Variants in ZPBP observed in about 807,000 individuals in gnomAD.
ZPBP encodes the protein zona pellucida-binding protein 1.
In ZPBP, 26 loss-of-function variants were observed where a neutral mutation model predicts 44.8. The observed-to-expected ratio is 0.58, with a 90% CI of 0.43 to 0.81. The LOEUF (loss-of-function observed/expected upper bound fraction) is 0.81, where lower values mean the gene tolerates loss of function less well. ZPBP is among the 30% of genes least tolerant of loss of function. The pLI, the probability that ZPBP is intolerant of heterozygous loss-of-function variation, is 0.00. For synonymous variants in ZPBP, 174 were observed against 153.2 expected (o/e 1.14, Z -1.00); for missense variants, 409 against 434.0 (o/e 0.94, Z 0.51).
intron 3 of ZPBP, among the ~76,000 whole-genome samples, chr7:50,075,131 C>T (rs2366030): frequency 0.84 from 127,222 of 151,896 alleles, 53,308 homozygotes; most frequent in East Asian, 0.92. Context: ...TTAGAAACTA[C>T]ACAAATACAT....
intron 2 of ZPBP, among the ~76,000 whole-genome samples, chr7:49,850,766 A>G (rs1790143668): frequency 6.6e-6 from 1 of 152,186 alleles, no homozygotes; most frequent in Non-Finnish European, 1.5e-5. Context: ...CACCCTGCAT[A>G]ACTCTCAGTT....
chr7:50,069,727 A>G (rs925087344), intron 3 of ZPBP, among the ~76,000 whole-genome samples: 2 of 151,846 alleles, frequency 1.3e-5, no homozygotes, highest in Non-Finnish European at 2.9e-5. Context: ...CTCCCTTGCA[A>G]CGCACTTTCA....
intron 7 of ZPBP, among the ~76,000 whole-genome samples, chr7:49,945,411 T>G (rs1199406916): frequency 6.6e-6 from 1 of 152,128 alleles, no homozygotes; most frequent in African/African-American, 2.4e-5. Context: ...TGATTTTCTG[T>G]CTGGATAATT....
intron 7 of ZPBP, chr7:49,944,150 T>G (rs1795001882): frequency 3.7e-6 from 1 of 272,974 alleles, no homozygotes; most frequent in Admixed American, 4.7e-5. Context: ...ATCCACTTCC[T>G]CTTGAAGTTT....
At chr7:49,941,598 G>A (rs1206210916) in intron 7 of ZPBP, among the ~76,000 whole-genome samples, 1 of 151,970 alleles carries the variant, frequency 6.6e-6, no homozygotes, top group African/African-American at 2.4e-5. Context: ...GTGGAATAAT[G>A]TATACTATAA....
Position 49,996,744 on chromosome 7 carries a change from C to T in ZPBP, c.784-13225G>A, listed in dbSNP as rs149081365. Among the ~76,000 whole-genome samples the T allele has an allele frequency of 5.3e-3, 814 of 152,316 alleles. 9 individuals carry two copies. Among genetic ancestry groups the T allele is most frequent in the Middle Eastern group, 0.021 (6 of 292 alleles). ...TTGACCTGGAACTTTTCTACCTAAA[C>T]AAATCAAGTAGCAATTTAGTAGGTG... On this transcript the variant is annotated intron_variant, in intron 6 of 7. Transcript: ENST00000046087.
chr7:49,867,691 A>G (rs932082010), intron 2 of ZPBP, among the ~76,000 whole-genome samples: 4 of 152,202 alleles, frequency 2.6e-5, no homozygotes, highest in Non-Finnish European at 4.4e-5. Flanking sequence ...TTCTGGACCC[A>G]AGGCTCACCT....
chr7:49,994,410 C>A (rs2128790337), intron 6 of ZPBP, among the ~76,000 whole-genome samples: 1 of 152,308 alleles, frequency 6.6e-6, no homozygotes, highest in South Asian at 2.1e-4. Context: ...GGCATTTGAG[C>A]CACTTCTGCA....
intron 3 of ZPBP, among the ~76,000 whole-genome samples, chr7:50,079,903 TTGC>T (rs1468664282): frequency 6.6e-6 from 1 of 151,630 alleles, no homozygotes; most frequent in Non-Finnish European, 1.5e-5. Context: ...ACAGAACTTG[TTGC>T]AATAAATGCA....
intron 6 of ZPBP, among the ~76,000 whole-genome samples, chr7:49,998,938 A>T (rs1215062849): frequency 6.6e-6 from 1 of 152,112 alleles, no homozygotes; most frequent in East Asian, 1.9e-4. Flanking sequence ...AGCATCTCTA[A>T]TTTGAAAATT....
chr7:49,846,255 G>A (rs1789942497), downstream of ZPBP, among the ~76,000 whole-genome samples: 1 of 152,074 alleles, frequency 6.6e-6, no homozygotes, highest in Non-Finnish European at 1.5e-5. Context: ...CAACCTGCAT[G>A]TCGCCACTTC....
intron 2 of ZPBP, among the ~76,000 whole-genome samples, chr7:49,900,011 A>G (rs192423288): frequency 6.6e-6 from 1 of 152,048 alleles, no homozygotes; most frequent in Admixed American, 6.5e-5. Flanking sequence ...TATCAGTAAT[A>G]GAAAGATACC....
chr7:49,931,040 C>T (rs139903825), intron 1 of ZPBP, among the ~76,000 whole-genome samples: 253 of 152,280 alleles, frequency 1.7e-3, no homozygotes, highest in African/African-American at 4.9e-3. Context: ...AGCTCTGCTG[C>T]GCATGCTCTC....
At chr7:50,001,678 A>G (rs2128794989) in intron 6 of ZPBP, among the ~76,000 whole-genome samples, 2 of 152,260 alleles carry the variant, frequency 1.3e-5, no homozygotes, top group Admixed American at 1.3e-4. Context: ...AGAGCACAAA[A>G]CAGATGAGGT....
At chr7:49,988,623 G>A (rs757209058) in intron 6 of ZPBP, among the ~76,000 whole-genome samples, 13 of 151,820 alleles carry the variant, frequency 8.6e-5, no homozygotes, top group Non-Finnish European at 1.5e-4. Context: ...AACTACCATG[G>A]ACATTCTATT....
chr7:49,845,856 A>G (rs530827438), downstream of ZPBP, among the ~76,000 whole-genome samples: 4 of 152,250 alleles, frequency 2.6e-5, no homozygotes, highest in South Asian at 8.3e-4. Context: ...AGGAAGAGCG[A>G]GTGAGTTAGT....
In ZPBP at chr7:50,084,155, G is replaced by A. The variant is rs141876354; in HGVS notation, c.209-2256C>T. On this transcript the variant is annotated intron_variant, in intron 2 of 7. Coordinates refer to ENST00000046087, the MANE Select transcript of ZPBP (RefSeq NM_007009.3). ...ACTTAATCTTCAGCTTACCAAAAAT[G>A]GAAAAAGTTGGGTAAAATTTTGTGC... Among the ~76,000 whole-genome samples the A allele has an allele frequency of 2.0e-5, 3 of 151,966 alleles. No homozygotes were observed. The East Asian group carries it at 5.8e-4, about 29-fold the overall frequency.
At chr7:49,876,933 T>C (rs1050910865) in intron 2 of ZPBP, among the ~76,000 whole-genome samples, 15 of 152,030 alleles carry the variant, frequency 9.9e-5, no homozygotes, top group Admixed American at 4.6e-4. Flanking sequence ...CCTGTCAGTG[T>C]CTTTGCCCAA....
intron 4 of ZPBP, among the ~76,000 whole-genome samples, chr7:50,038,427 A>C (rs1799918316): frequency 6.6e-6 from 1 of 152,226 alleles, no homozygotes; most frequent in African/African-American, 2.4e-5. Context: ...CATATCTCAA[A>C]CACTGATCTA....
Sources: allele counts gnomAD v4.1 joint callset (sites outside exome capture counted in the v4.1 genomes callset), GRCh38; gene constraint gnomAD v4.1.1; transcripts MANE v1.5; gene names NCBI Gene and HGNC (gene_info 2026-07-23, HGNC 2026-07-21).